The following FRMPD4 variants were observed in gnomAD, a reference collection of about 807,000 sequenced individuals.
FRMPD4 encodes FERM and PDZ domain-containing protein 4.
A neutral mutation model predicts 94.1 loss-of-function variants in FRMPD4; 22 were observed. The ratio of observed to expected loss-of-function variants is 0.23; its 90% CI spans 0.17 to 0.33. The LOEUF (loss-of-function observed/expected upper bound fraction) is 0.33, where lower values mean the gene tolerates loss of function less well. Among genes scored for constraint, FRMPD4 ranks in the 10% least tolerant of loss-of-function variants. The pLI, the probability that FRMPD4 is intolerant of heterozygous loss-of-function variation, is 1.00. For missense variants in FRMPD4, 1,111 were observed against 1,339.9 expected, an observed-to-expected ratio of 0.83 and a Z score of 2.67; for synonymous variants, 631 against 548.6, an observed-to-expected ratio of 1.15 and a Z score of -2.10.
chrX:12,205,004 A>G (rs189107650), intron 1 of FRMPD4, among the ~76,000 whole-genome samples: 87 of 109,704 alleles, frequency 7.9e-4, no homozygotes, highest in African/African-American at 2.8e-3. Flanking sequence ...GGGTTCTCAC[A>G]TGCTGTAAAT....
At chrX:12,667,586 A>G (rs951363971) in intron 4 of FRMPD4, among the ~76,000 whole-genome samples, 3 of 112,627 alleles carry the variant, frequency 2.7e-5, no homozygotes, top group African/African-American at 9.7e-5. Flanking sequence ...CACCAGCCTT[A>G]GCTTCATTGT....
chrX:12,182,631 A>C (rs1460221432), intron 1 of FRMPD4, among the ~76,000 whole-genome samples: 1 of 110,170 alleles, frequency 9.1e-6, no homozygotes, highest in African/African-American at 3.3e-5. Context: ...CTTTGGAACC[A>C]GCACATTGTT....
At chrX:12,313,787 T>C (rs1414841887) in intron 1 of FRMPD4, among the ~76,000 whole-genome samples, 1 of 111,823 alleles carries the variant, frequency 8.9e-6, no homozygotes, top group Non-Finnish European at 1.9e-5. Context: ...ATTGTATGAA[T>C]CTGGTACCTG....
At chrX:12,138,454 GAGA>G (rs1280778885), upstream of FRMPD4, 2 of 132,862 alleles carry the variant, frequency 1.5e-5, no homozygotes, top group African/African-American at 3.2e-5. Context: ...ACTCGGCTTG[GAGA>G]AGGAGGCAGG....
chrX:12,414,489 A>G (rs923332143), intron 1 of FRMPD4, among the ~76,000 whole-genome samples: 4 of 112,492 alleles, frequency 3.6e-5, no homozygotes, highest in Non-Finnish European at 7.5e-5. Flanking sequence ...TTAAGTCTCA[A>G]TTCAACAATG....
chrX:12,040,127 G>C (rs1465005270), intron 3 of FRMPD4, among the ~76,000 whole-genome samples: 2 of 110,991 alleles, frequency 1.8e-5, no homozygotes, highest in African/African-American at 6.5e-5. Context: ...ATAAGTTATT[G>C]AGAGTACTGA....
chrX:12,379,366 T>A (rs1049001154), intron 1 of FRMPD4, among the ~76,000 whole-genome samples: 9 of 112,003 alleles, frequency 8.0e-5, no homozygotes, highest in Admixed American at 5.7e-4. Flanking sequence ...AAGGATAGGT[T>A]TTAATTAAAC....
At chrX:12,663,939 T>C (rs947448979) in intron 4 of FRMPD4, among the ~76,000 whole-genome samples, 29 of 111,962 alleles carry the variant, frequency 2.6e-4, no homozygotes, top group Non-Finnish European at 4.5e-4. Context: ...GTTGTATTCC[T>C]AGGTATTTTA....
chrX:11,873,380 T>C (rs1018422174), intron 2 of FRMPD4, among the ~76,000 whole-genome samples: 1 of 111,403 alleles, frequency 9.0e-6, no homozygotes, highest in Admixed American at 9.5e-5. Flanking sequence ...AAATTACAGA[T>C]ACAAGGTCAC....
At chrX:11,847,103 C>A (rs1442994953) in intron 1 of FRMPD4, among the ~76,000 whole-genome samples, 2 of 109,135 alleles carry the variant, frequency 1.8e-5, no homozygotes, top group Admixed American at 9.8e-5. Flanking sequence ...CAACCTACAA[C>A]ATGGGAGAAA....
intron 1 of FRMPD4, among the ~76,000 whole-genome samples, chrX:12,167,965 G>C (rs1010175331): frequency 2.7e-5 from 3 of 110,650 alleles, no homozygotes; most frequent in African/African-American, 9.9e-5. Context: ...TGCCCCTAGG[G>C]GCCGTTTGAA....
chrX:12,718,576 C>T lies in FRMPD4; in HGVS notation c.3750C>T (p.Asp1250=), dbSNP rs372495150. The change falls in exon 16 of 17, where the codon GAC becomes GAT. Residue 1250 remains aspartate (D), a synonymous_variant. Coordinates refer to ENST00000675598, the MANE Select transcript of FRMPD4 (RefSeq NM_001368397.1). ...CPSLGKHLIP[D]ASGKGVNYIP... is the part of the protein sequence containing the mutation. ...CCCTGGGGAAGCACTTGATTCCTGA[C>T]GCTTCTGGGAAAGGCGTGAATTACA... 88 of 1,207,656 alleles carry T rather than the reference C, an allele frequency of 7.3e-5. 1 individual carries two copies. In the East Asian group the frequency reaches 1.5e-3, roughly 20 times the overall value.
At chrX:12,492,214 T>C (rs185675467) in intron 1 of FRMPD4, among the ~76,000 whole-genome samples, 5 of 112,032 alleles carry the variant, frequency 4.5e-5, no homozygotes, top group African/African-American at 1.6e-4. Flanking sequence ...ATTCTGTCAC[T>C]GGATTGTTCA....
At chrX:12,556,849 G>C (rs765761618) in intron 2 of FRMPD4, among the ~76,000 whole-genome samples, 1 of 52,219 alleles carries the variant, frequency 1.9e-5, no homozygotes, top group Non-Finnish European at 4.8e-5. Context: ...GGGTATACAA[G>C]TTTGTTTGTT....
chrX:12,491,379 T>A (rs1011520581), intron 1 of FRMPD4, among the ~76,000 whole-genome samples: 10 of 112,164 alleles, frequency 8.9e-5, no homozygotes, highest in Admixed American at 6.6e-4. Context: ...GCACACAGAT[T>A]TTTTTTACAA....
intron 3 of FRMPD4, among the ~76,000 whole-genome samples, chrX:12,005,840 T>C (rs1404191926): frequency 9.2e-6 from 1 of 109,156 alleles, no homozygotes; most frequent in Non-Finnish European, 1.9e-5. Context: ...ACCACCCAAC[T>C]CCATGCATGT....
intron 3 of FRMPD4, among the ~76,000 whole-genome samples, chrX:11,929,068 C>T (rs941358200): frequency 8.9e-6 from 1 of 112,116 alleles, no homozygotes; most frequent in Non-Finnish European, 1.9e-5. Context: ...CACATGGACA[C>T]ATAGTGGGGA....
At chrX:12,427,816 T>C (rs1479990196) in intron 1 of FRMPD4, among the ~76,000 whole-genome samples, 2 of 110,702 alleles carry the variant, frequency 1.8e-5, no homozygotes, top group Non-Finnish European at 3.8e-5. Context: ...ATAAGTCACT[T>C]TTTTGATTCA....
chrX:11,894,760 G>C (rs1437768807), intron 3 of FRMPD4, among the ~76,000 whole-genome samples: 2 of 112,371 alleles, frequency 1.8e-5, no homozygotes, highest in East Asian at 5.6e-4. Context: ...GGTTGGGGCA[G>C]AGATTCTGCA....
Sources: gnomAD v4.1 joint callset for allele counts (sites outside exome capture counted in the v4.1 genomes callset) on GRCh38, gnomAD v4.1.1 for gene constraint, MANE v1.5 for transcripts, NCBI Gene and HGNC (gene_info 2026-07-23, HGNC 2026-07-21) for gene names.